The following TFAP2B variants were observed in gnomAD, a reference collection of about 807,000 sequenced individuals.
TFAP2B encodes transcription factor AP-2 beta.
A neutral mutation model predicts 44.3 loss-of-function variants in TFAP2B; 9 were observed. That is an observed-to-expected ratio of 0.20 (90% CI 0.12 to 0.35). TFAP2B has a LOEUF of 0.35. TFAP2B is among the 10% of genes least tolerant of loss of function. TFAP2B has a pLI of 1.00. For missense variants in TFAP2B, 509 were observed against 600.0 expected (o/e 0.85, Z 1.59); for synonymous variants, 270 against 263.8 (o/e 1.02, Z -0.23).
chr6:50,843,262 A>G lies in TFAP2B; in HGVS notation c.1253A>G (p.Gln418Arg). Reference sequence around the variant, plus strand: ...ATTTGCGCCGCGCTCACGGCCCTGCAGAACTATCTCACCGAGGCGCTCAAA... The same window carrying G: ...ATTTGCGCCGCGCTCACGGCCCTGCGGAACTATCTCACCGAGGCGCTCAAA... Reference protein sequence around the residue: ...PAICAALTALQNYLTEALKGM... With the variant: ...PAICAALTALRNYLTEALKGM... The change falls in exon 7 of 7, where the codon CAG (glutamine) becomes CGG (arginine). Residue 418 changes from glutamine (Q) to arginine (R), a missense_variant. Gln to Arg is a conservative substitution (Grantham distance 43). Around this residue, in one of 3 missense-constraint regions of TFAP2B, gnomAD observed 168 missense variants for 183.2 expected, o/e 0.92. Coordinates refer to ENST00000393655, the MANE Select transcript of TFAP2B (RefSeq NM_003221.4). 6.2e-7 allele frequency: 1 copy of G among 1,614,232 alleles called. No homozygotes were observed. Among genetic ancestry groups the G allele is most frequent in the Non-Finnish European group, 8.5e-7 (1 of 1,180,050 alleles).
intron 1 of TFAP2B, chr6:50,822,217 C>G: frequency 8.0e-7 from 1 of 1,254,570 alleles, no homozygotes; most frequent in Non-Finnish European, 1.1e-6. Flanking sequence ...CACTGTCTCT[C>G]TGTCTCTGCG....
At chr6:50,833,326 T>C (rs2113945554) in intron 3 of TFAP2B, among the ~76,000 whole-genome samples, 1 of 152,234 alleles carries the variant, frequency 6.6e-6, no homozygotes, top group South Asian at 2.1e-4. Flanking sequence ...GAAAGTAGAT[T>C]ATGATGGAGT....
chr6:50,831,576 G>A (rs772290994), intron 3 of TFAP2B, among the ~76,000 whole-genome samples: 2 of 151,990 alleles, frequency 1.3e-5, no homozygotes, highest in Non-Finnish European at 2.9e-5. Flanking sequence ...ATAATGAGAA[G>A]GATTCGGTAC....
intron 3 of TFAP2B, 132 bp downstream of exon 3, chr6:50,828,811 C>A: frequency 1.9e-6 from 2 of 1,077,404 alleles, no homozygotes; most frequent in South Asian, 1.3e-5. Context: ...AGGACAATGG[C>A]TGTCAGATTA....
At position 50,836,293 on chromosome 6, in the gene TFAP2B, C is replaced by A. The variant is rs753351439; in HGVS notation, c.821+13C>A. 3.7e-6 allele frequency: 6 copies of A among 1,604,064 alleles called. No homozygotes were observed. The highest frequency in any genetic ancestry group is 2.2e-5 in the South Asian group (2 of 90,796). On this transcript the variant is annotated intron_variant, in intron 4 of 6. Transcript: ENST00000393655. ...GAGTCCTCAGAAGGTAACCCCACCA[C>A]GAAAAACAAAAACAAAAACAAAAAA...
chr6:50,834,637 G>T (rs547467696), intron 3 of TFAP2B, among the ~76,000 whole-genome samples: 1 of 152,300 alleles, frequency 6.6e-6, no homozygotes, highest in African/African-American at 2.4e-5. Context: ...CACAGTATTG[G>T]TTAGTCTGTT....
chr6:50,846,041 C>T lies in TFAP2B; in HGVS notation c.*2649C>T, dbSNP rs1762842657. On this transcript the variant is annotated 3_prime_UTR_variant, in exon 7 of 7. Coordinates refer to ENST00000393655, the MANE Select transcript of TFAP2B (RefSeq NM_003221.4). ...TCCAAGGAATCCGAAGCTTCCCCTC[C>T]TCCACCTCTGCCAGTACGGAAACAC... 1 of 152,696 alleles carries T rather than the reference C, an allele frequency of 6.5e-6. No individual in the cohort carries two copies. The highest frequency in any genetic ancestry group is 6.5e-5 in the Admixed American group (1 of 15,294). 9.5% of individuals were successfully genotyped at this position (152,696 alleles called of 1,614,324 possible).
chr6:50,840,900 T>C (rs2113956949), intron 6 of TFAP2B, among the ~76,000 whole-genome samples: 1 of 152,398 alleles, frequency 6.6e-6, no homozygotes, highest in East Asian at 1.9e-4. Context: ...GTCATATTGT[T>C]GGTGTTTTAT....
intron 3 of TFAP2B, chr6:50,830,203 A>G (rs908457145): frequency 1.2e-5 from 8 of 649,562 alleles, no homozygotes; most frequent in Admixed American, 1.3e-4. Context: ...GAAAGCTAGA[A>G]CCACTTAGCT....
chr6:50,821,623 T>G (rs1770349997), intron 1 of TFAP2B, among the ~76,000 whole-genome samples: 1 of 152,180 alleles, frequency 6.6e-6, no homozygotes, highest in Non-Finnish European at 1.5e-5. Flanking sequence ...TTCCCCAGTC[T>G]GCCTTTGCCA....
In TFAP2B at chr6:50,843,176, G is replaced by T. The variant is rs779587572; in HGVS notation, c.1167G>T (p.Pro389=). ...GNSRPSPILE[P]GIQSCLTHFS... ...GCCGACCCAGCCCCATCCTGGAGCC[G>T]GGGATCCAGAGCTGCCTCACGCACT... Residue 389 remains proline (P), a synonymous_variant, in exon 7 of 7, where the codon CCG becomes CCT. Coordinates refer to ENST00000393655, the MANE Select transcript of TFAP2B (RefSeq NM_003221.4). The T allele has an allele frequency of 6.2e-7, 1 of 1,614,192 alleles. No individual in the cohort carries two copies.
At chr6:50,827,631 G>T (rs960475312) in intron 2 of TFAP2B, among the ~76,000 whole-genome samples, 1 of 152,188 alleles carries the variant, frequency 6.6e-6, no homozygotes, top group African/African-American at 2.4e-5. Flanking sequence ...TAACAATTTG[G>T]TCCCAACTTA....
rs1305047336 is a variant in TFAP2B at position 50,844,360 on chromosome 6, T to G, written c.*968T>G. Reference sequence around the variant, plus strand: ...AGTATGTAATTCCTTCGGAGGGGTATGTACCATTTCATTCTCTTCTGTTTT... The same window carrying G: ...AGTATGTAATTCCTTCGGAGGGGTAGGTACCATTTCATTCTCTTCTGTTTT... On this transcript the variant is annotated 3_prime_UTR_variant, in exon 7 of 7. Coordinates refer to ENST00000393655, the MANE Select transcript of TFAP2B (RefSeq NM_003221.4). 2.0e-5 allele frequency: 3 copies of G among 152,352 alleles called. No homozygotes were observed. Among genetic ancestry groups the G allele is most frequent in the African/African-American group, 7.3e-5 (3 of 41,352 alleles). 9.4% of individuals were successfully genotyped at this position (152,352 alleles called of 1,614,324 possible).
chr6:50,819,263 G>A (rs1217609202), intron 1 of TFAP2B, among the ~76,000 whole-genome samples: 1 of 135,706 alleles, frequency 7.4e-6, no homozygotes, highest in African/African-American at 2.7e-5. Context: ...AAGCTCTGAT[G>A]GGGAATGTGG....
chr6:50,844,457 A>G lies in TFAP2B; in HGVS notation c.*1065A>G, dbSNP rs1225002693. The stretch of plus-strand genomic sequence containing the variant: ...GGGCTTCCTACACAATCTATAAGGT[A>G]CAGAGAAAAAAAAATCCGATCCCTT... On this transcript the variant is annotated 3_prime_UTR_variant, in exon 7 of 7. Coordinates refer to ENST00000393655, the MANE Select transcript of TFAP2B (RefSeq NM_003221.4). The G allele has an allele frequency of 6.6e-6, 1 of 152,596 alleles. No individual in the cohort carries two copies. The highest frequency in any genetic ancestry group is 1.5e-5 in the Non-Finnish European group (1 of 68,030). 9.5% of individuals were successfully genotyped at this position (152,596 alleles called of 1,614,324 possible).
chr6:50,825,146 T>A lies in TFAP2B; in HGVS notation c.540+1281T>A, dbSNP rs562786731. ...AAAGAAATTCAGTTATTTATTTTTT[T>A]AAAAAAGACGGAATTACCTGATTTG... On this transcript the variant is annotated intron_variant, in intron 2 of 6. Transcript: ENST00000393655. Among the ~76,000 whole-genome samples, 13 of 152,306 alleles carry A rather than the reference T, an allele frequency of 8.5e-5. 1 individual carries two copies. Among genetic ancestry groups the A allele is most frequent in the Admixed American group, 3.3e-4 (5 of 15,292 alleles).
At chr6:50,821,805 GGCA>G in intron 1 of TFAP2B, 3 of 256,940 alleles carry the variant, frequency 1.2e-5, no homozygotes, top group Admixed American at 4.8e-5. Context: ...AGGCGGTGTA[GGCA>G]AGCGGAGGGA....
At position 50,833,424 on chromosome 6, in the gene TFAP2B, A is replaced by T. The variant is rs528021852; in HGVS notation, c.602-2637A>T. 2.6e-5 allele frequency among the ~76,000 whole-genome samples: 4 copies of T among 152,278 alleles called. No homozygotes were observed. The South Asian group carries it at 8.3e-4, about 32-fold the overall frequency. ...AAGGAGAGAGGTTTAGAACATGAGGATAGGAGGCTGGGAACACAATTGTGA... is the reference window on the plus strand; with the variant it reads ...AAGGAGAGAGGTTTAGAACATGAGGTTAGGAGGCTGGGAACACAATTGTGA... On this transcript the variant is annotated intron_variant, in intron 3 of 6. Transcript: ENST00000393655.
Position 50,823,661 on chromosome 6 carries a change from A to G in TFAP2B, c.336A>G (p.Gln112=), listed in dbSNP as rs1770420785. The change falls in exon 2 of 7, where the codon CAA becomes CAG. Residue 112 remains glutamine (Q), a synonymous_variant. Transcript: ENST00000393655. ...ATCCCTGGGGGCAACGGCAGCGGCA[A>G]GAAGTGGGTTCGGAAGCCGGCTCTC... ...QQHPWGQRQR[Q]EVGSEAGSLL... is the part of the protein sequence containing the mutation. 8 of 1,614,038 alleles carry G rather than the reference A, an allele frequency of 5.0e-6. No individual in the cohort carries two copies. The highest frequency in any genetic ancestry group is 5.9e-6 in the Non-Finnish European group (7 of 1,179,954).
Sources: gnomAD v4.1 joint callset for allele counts (sites outside exome capture counted in the v4.1 genomes callset) on GRCh38, gnomAD v4.1.1 for gene constraint, gnomAD v4.1.1 regional missense constraint, MANE v1.5 for transcripts, NCBI Gene and HGNC (gene_info 2026-07-23, HGNC 2026-07-21) for gene names.